The following ANK3 variants were observed in gnomAD, a reference collection of about 807,000 sequenced individuals.
ANK3 encodes ankyrin-3.
ANK3 carries 57 observed loss-of-function variants against 370.9 expected under a neutral mutation model. That is an observed-to-expected ratio of 0.15 (90% confidence interval 0.12 to 0.19). The LOEUF (loss-of-function observed/expected upper bound fraction) is 0.19. ANK3 is among the 10% of genes least tolerant of loss of function. ANK3 has a pLI of 1.00. For missense variants in ANK3, 4,439 were observed against 5,302.1 expected, an observed-to-expected ratio of 0.84 and a Z score of 5.06; for synonymous variants, 1,929 against 1,946.3, an observed-to-expected ratio of 0.99 and a Z score of 0.23.
At chr10:60,031,997 A>G (rs1342883249) in intron 43 of ANK3, among the ~76,000 whole-genome samples, 1 of 152,110 alleles carries the variant, frequency 6.6e-6, no homozygotes, top group Non-Finnish European at 1.5e-5. Flanking sequence ...TGGGCAAATC[A>G]GAAGATGATG....
At chr10:60,188,787 C>T (rs1240359714) in intron 16 of ANK3, among the ~76,000 whole-genome samples, 1 of 152,134 alleles carries the variant, frequency 6.6e-6, no homozygotes, top group Non-Finnish European at 1.5e-5. Context: ...TAATTTTGAC[C>T]TATTGCCATC....
intron 28 of ANK3, among the ~76,000 whole-genome samples, chr10:60,092,021 G>A (rs905114454): frequency 3.3e-5 from 5 of 152,092 alleles, no homozygotes; most frequent in South Asian, 2.1e-4. Context: ...GAGCCACCGC[G>A]CCAGGCTACG....
chr10:60,616,816 T>C (rs1160226458), intron 1 of ANK3, among the ~76,000 whole-genome samples: 1 of 152,194 alleles, frequency 6.6e-6, no homozygotes, highest in Non-Finnish European at 1.5e-5. Flanking sequence ...CAATTCACAG[T>C]GTAGGCAAGT....
intron 28 of ANK3, among the ~76,000 whole-genome samples, chr10:60,089,631 A>C (rs1187656037): frequency 2.0e-5 from 3 of 152,166 alleles, no homozygotes; most frequent in Admixed American, 6.6e-5. Context: ...TTGGAAAAGT[A>C]GGTTTGTGAC....
rs775835976 is a variant in ANK3, at chr10:60,069,599, G to A, written c.11282C>T (p.Thr3761Ile). 6 of 1,613,902 alleles carry A rather than the reference G, an allele frequency of 3.7e-6. No homozygotes were observed. The highest frequency in any genetic ancestry group is 5.1e-6 in the Non-Finnish European group (6 of 1,179,982). Residue 3761 changes from threonine (T) to isoleucine (I), a missense_variant, in exon 37 of 44, where the codon ACA becomes ATA. By Grantham distance (89) the Thr-to-Ile change is moderately conservative. Around this residue, in one of 13 missense-constraint regions of ANK3, gnomAD observed 496 missense variants for 529.3 expected, o/e 0.94. Transcript: ENST00000280772. ...GCTATTGGCTGTATTTGAAATCATT[G>A]TTATAGTTTCATTTTCTAATCCCTG... ...SCQGLENETITMISNTANSQM... is the reference protein window; with the variant it reads ...SCQGLENETIIMISNTANSQM...
intron 2 of ANK3, among the ~76,000 whole-genome samples, chr10:60,533,974 C>T (rs1441586355): frequency 6.6e-6 from 1 of 152,020 alleles, no homozygotes; most frequent in African/African-American, 2.4e-5. Flanking sequence ...CAGTTGGTTT[C>T]TTTCCTCTGC....
At chr10:60,445,463 T>C (rs1475933466) in intron 2 of ANK3, among the ~76,000 whole-genome samples, 1 of 150,714 alleles carries the variant, frequency 6.6e-6, no homozygotes, top group Admixed American at 6.7e-5. Context: ...AGTAAATAGT[T>C]ATTAAGCTGA....
intron 2 of ANK3, among the ~76,000 whole-genome samples, chr10:60,478,435 A>G (rs1439122543): frequency 6.6e-6 from 1 of 152,122 alleles, no homozygotes; most frequent in Admixed American, 6.6e-5. Context: ...TGACTAATGG[A>G]ACTTTGTGAA....
rs147944306 is a variant in ANK3, at chr10:60,588,160, TTTATTATTA to T, written c.96+27017_96+27025del. Among the ~76,000 whole-genome samples, 569 of 141,080 alleles carry T rather than the reference TTTATTATTA, an allele frequency of 4.0e-3. 2 individuals carry two copies. The highest frequency in any genetic ancestry group is 0.011 in the Middle Eastern group (3 of 276). 92.6% of individuals were successfully genotyped at this position (141,080 alleles called of 152,430 possible). ...ATAAATCTGGTTGAGTTTCTCAGTT[TTTATTATTA>T]TTATTATTATTATTATTATTATTAT... On this transcript the variant is annotated intron_variant, in intron 2 of 43. Transcript: ENST00000373827.
At chr10:60,463,718 T>TA (rs1173082757) in intron 2 of ANK3, among the ~76,000 whole-genome samples, 1 of 151,564 alleles carries the variant, frequency 6.6e-6, no homozygotes, top group Non-Finnish European at 1.5e-5. Context: ...TCCAGGAGAT[T>TA]TTTTTTTGAG....
intron 1 of ANK3, among the ~76,000 whole-genome samples, chr10:60,388,686 A>T (rs2062773330): frequency 6.6e-6 from 1 of 152,136 alleles, no homozygotes; most frequent in Non-Finnish European, 1.5e-5. Context: ...GAATATCAGT[A>T]AGGAATCATC....
At chr10:60,528,825 C>A (rs1026857661) in intron 2 of ANK3, among the ~76,000 whole-genome samples, 1 of 151,964 alleles carries the variant, frequency 6.6e-6, no homozygotes, top group African/African-American at 2.4e-5. Flanking sequence ...CCCTGGGGGA[C>A]AAAAATCATC....
At chr10:60,306,175 C>T (rs1322067839) in intron 1 of ANK3, among the ~76,000 whole-genome samples, 1 of 151,886 alleles carries the variant, frequency 6.6e-6, no homozygotes, top group East Asian at 1.9e-4. Context: ...ATGCAGTGTA[C>T]CCAATTTGTA....
chr10:60,644,239 A>C (rs115755744), intron 1 of ANK3, among the ~76,000 whole-genome samples: 1 of 152,312 alleles, frequency 6.6e-6, no homozygotes, highest in African/African-American at 2.4e-5. Context: ...CAATCTCTTG[A>C]TAGAAGTGCC....
chr10:60,279,452 C>A, intron 2 of ANK3, 86 bp downstream of exon 2: 2 of 1,061,514 alleles, frequency 1.9e-6, no homozygotes, highest in Admixed American at 2.4e-5. Context: ...GGAAAAAAAC[C>A]CCACAAATAA....
chr10:60,168,852 T>G (rs1591169540), intron 21 of ANK3, among the ~76,000 whole-genome samples: 1 of 152,348 alleles, frequency 6.6e-6, no homozygotes, highest in East Asian at 1.9e-4. Context: ...GCTCCATCCA[T>G]GTCCCTGCAA....
At chr10:60,340,438 T>C (rs2132979301) in intron 1 of ANK3, among the ~76,000 whole-genome samples, 1 of 152,184 alleles carries the variant, frequency 6.6e-6, no homozygotes, top group East Asian at 1.9e-4. Context: ...TGAGGCAGAG[T>C]CTCACTCTGT....
At chr10:60,581,148 G>A (rs2077745520) in intron 2 of ANK3, among the ~76,000 whole-genome samples, 5 of 152,182 alleles carry the variant, frequency 3.3e-5, no homozygotes, top group Admixed American at 3.3e-4. Context: ...AAGCAACAGA[G>A]TTACAGAGTT....
At chr10:60,083,314 T>C (rs2085760770) in intron 33 of ANK3, among the ~76,000 whole-genome samples, 178 bp downstream of exon 33, 1 of 152,234 alleles carries the variant, frequency 6.6e-6, no homozygotes, top group African/African-American at 2.4e-5. Context: ...TTTTTACCAA[T>C]TGTAAAGCTT....
Sources: allele counts gnomAD v4.1 joint callset (sites outside exome capture counted in the v4.1 genomes callset), GRCh38; gene constraint gnomAD v4.1.1; regional missense constraint gnomAD v4.1.1; transcripts MANE v1.5; gene names NCBI Gene and HGNC (gene_info 2026-07-23, HGNC 2026-07-21).